CUX2: variants seen among roughly 807,000 people sequenced by gnomAD.
The protein encoded by CUX2 is cut like homeobox 2.
A neutral mutation model predicts 144.8 loss-of-function variants in CUX2; 40 were observed. The ratio of observed to expected loss-of-function variants is 0.28; its 90% CI spans 0.21 to 0.36. The LOEUF (loss-of-function observed/expected upper bound fraction) is 0.36, where lower values mean the gene tolerates loss of function less well. Among genes scored for constraint, CUX2 ranks in the 10% least tolerant of loss-of-function variants. CUX2 has a pLI of 1.00. For missense variants in CUX2, 1,615 were observed against 1,994.0 expected (o/e 0.81, Z 3.62); for synonymous variants, 827 against 875.6 (o/e 0.94, Z 0.98).
chr12:111,129,798 C>T (rs1460866634), intron 1 of CUX2, among the ~76,000 whole-genome samples: 1 of 152,170 alleles, frequency 6.6e-6, no homozygotes, highest in African/African-American at 2.4e-5. Context: ...GCACTCACTC[C>T]ACAGGTCAGG....
rs1414054735 is a variant in CUX2, at chr12:111,040,307, AT to A, written c.63+6068del. On this transcript the variant is annotated intron_variant, in intron 1 of 21. Transcript: ENST00000261726. ...GTTTAAAAAAAAAAAACGGAAAAAA[AT>A]ATACTCCTATCATGTTTAGATTAAA... 8.6e-5 allele frequency among the ~76,000 whole-genome samples: 13 copies of A among 151,736 alleles called. 1 individual carries two copies. Among genetic ancestry groups the A allele is most frequent in the Admixed American group, 7.9e-4 (12 of 15,238 alleles).
At chr12:111,206,179 T>C (rs1471321485) in intron 1 of CUX2, among the ~76,000 whole-genome samples, 1 of 152,086 alleles carries the variant, frequency 6.6e-6, no homozygotes, top group Non-Finnish European at 1.5e-5. Context: ...TTACAAAAAA[T>C]AAATTAGCTG....
intron 1 of CUX2, 64 bp from the exon 2 acceptor site, chr12:111,214,136 A>G: frequency 8.9e-7 from 1 of 1,126,676 alleles, no homozygotes. Flanking sequence ...TTAAAAAGGA[A>G]AAAAAGAAGA....
chr12:111,278,862 G>A (rs181971323), intron 4 of CUX2, among the ~76,000 whole-genome samples: 6 of 152,314 alleles, frequency 3.9e-5, no homozygotes, highest in East Asian at 1.9e-4. Context: ...CAAGCTGCCC[G>A]GCAGAGCATT....
chr12:111,081,180 C>T (rs954632813), intron 1 of CUX2, among the ~76,000 whole-genome samples: 13 of 152,224 alleles, frequency 8.5e-5, no homozygotes, highest in Middle Eastern at 6.8e-3. Context: ...TTTGTTTGCC[C>T]CCTACTGTTG....
intron 1 of CUX2, among the ~76,000 whole-genome samples, chr12:111,119,117 C>G (rs956303000): frequency 1.3e-5 from 2 of 152,206 alleles, no homozygotes; most frequent in African/African-American, 4.8e-5. Context: ...AACCTTTTCT[C>G]TAGAGGGCCA....
At chr12:111,228,746 C>T (rs1423880678) in intron 3 of CUX2, among the ~76,000 whole-genome samples, 2 of 152,014 alleles carry the variant, frequency 1.3e-5, no homozygotes, top group African/African-American at 4.8e-5. Flanking sequence ...TTTTTTATTG[C>T]ATTTGGTTGA....
rs1409027256 is a variant in CUX2, at chr12:111,059,142, C to T, written c.63+24902C>T. On this transcript the variant is annotated intron_variant, in intron 1 of 21. Transcript: ENST00000261726. The surrounding 1 kb of genome is among the most constrained non-coding windows in gnomAD (Gnocchi z 5.3). ...AGGATGCAGCCCAGCAGGTACCAGC[C>T]TCATTTTCCAGCCCTCACTCAAAAT... is the stretch of plus-strand genomic sequence containing the variant. Among the ~76,000 whole-genome samples the T allele has an allele frequency of 6.6e-6, 1 of 152,174 alleles. No homozygotes were observed. Among genetic ancestry groups the T allele is most frequent in the Non-Finnish European group, 1.5e-5 (1 of 68,038 alleles).
At chr12:111,335,371 C>T (rs950372260) in intron 19 of CUX2, among the ~76,000 whole-genome samples, 5 of 151,582 alleles carry the variant, frequency 3.3e-5, no homozygotes, top group African/African-American at 9.7e-5. Flanking sequence ...CTAGCCAAGG[C>T]GACAGAGCGA....
intron 1 of CUX2, among the ~76,000 whole-genome samples, chr12:111,120,258 C>T (rs939434831): frequency 6.6e-6 from 1 of 151,692 alleles, no homozygotes; most frequent in Non-Finnish European, 1.5e-5. Flanking sequence ...GGGTACAACA[C>T]GTAGTAGGTG....
At position 111,263,517 on chromosome 12, in the gene CUX2, C is replaced by T. The variant is rs1445929535; in HGVS notation, c.223-244C>T. Among the ~76,000 whole-genome samples, 1 of 152,128 alleles carries T rather than the reference C, an allele frequency of 6.6e-6. No individual in the cohort carries two copies. Among genetic ancestry groups the T allele is most frequent in the East Asian group, 1.9e-4 (1 of 5,194 alleles). ...GCAGGCACCTGTAATCCCAGCTACT[C>T]AGGAGGCTGAGGCAGAAGAATTACT... On this transcript the variant is annotated intron_variant, in intron 3 of 21. Transcript: ENST00000261726. The surrounding 1 kb of genome is among the most constrained non-coding windows in gnomAD (Gnocchi z 4.0).
intron 1 of CUX2, among the ~76,000 whole-genome samples, chr12:111,151,172 A>G (rs1424049593): frequency 6.6e-6 from 1 of 152,234 alleles, no homozygotes; most frequent in Non-Finnish European, 1.5e-5. Flanking sequence ...AATGCAGAAT[A>G]CTTGCAGAGC....
At chr12:111,321,763 T>C (rs1887546367) in intron 17 of CUX2, among the ~76,000 whole-genome samples, 2 of 152,138 alleles carry the variant, frequency 1.3e-5, no homozygotes, top group South Asian at 4.1e-4. Context: ...TCCTGATTGG[T>C]TGGTGCCCCT....
chr12:111,314,421 A>G (rs1228516967), intron 16 of CUX2, among the ~76,000 whole-genome samples: 2 of 152,038 alleles, frequency 1.3e-5, no homozygotes, highest in Non-Finnish European at 2.9e-5. Flanking sequence ...CGGGCAGATC[A>G]CCTGAGGTCA....
rs10525230 is a variant in CUX2 at position 111,061,178 on chromosome 12, GCACACACACACACACACA to G, written c.63+26959_63+26976del. On this transcript the variant is annotated intron_variant, in intron 1 of 21. Transcript: ENST00000261726. This position sits in a 1 kb window ranked among gnomAD's most constrained non-coding sequence, Gnocchi z 4.2. ...TGTCCCCAGATGTGTGCATGCATAT[GCACACACACACACACACA>G]CACACACACACACACACACAGCAAG... Among the ~76,000 whole-genome samples, 8 of 143,630 alleles carry G rather than the reference GCACACACACACACACACA, an allele frequency of 5.6e-5. No individual in the cohort carries two copies. Among genetic ancestry groups the G allele is most frequent in the African/African-American group, 2.0e-4 (8 of 39,228 alleles). 94.2% of individuals were successfully genotyped at this position (143,630 alleles called of 152,430 possible). A position where few individuals can be genotyped will look rare whatever the true frequency, so the allele number is the denominator to read the frequency against.
intron 18 of CUX2, among the ~76,000 whole-genome samples, chr12:111,330,708 T>C (rs867370137): frequency 0.017 from 386 of 22,356 alleles, 43 homozygotes; most frequent in African/African-American, 0.061. Flanking sequence ...TATATATATA[T>C]ATATATATAT....
At chr12:111,245,765 C>T (rs756258334) in intron 3 of CUX2, among the ~76,000 whole-genome samples, 15 of 152,092 alleles carry the variant, frequency 9.9e-5, no homozygotes, top group Non-Finnish European at 1.6e-4. Context: ...GGGTATGCCC[C>T]ACCCAAGTGC....
At position 111,225,992 on chromosome 12, in the gene CUX2, G is replaced by A. The variant is rs112070544; in HGVS notation, c.222+8055G>A. 9.7e-3 allele frequency among the ~76,000 whole-genome samples: 1,479 copies of A among 152,254 alleles called. 13 individuals carry two copies. Among genetic ancestry groups the A allele is most frequent in the African/African-American group, 0.021 (888 of 41,546 alleles). On this transcript the variant is annotated intron_variant, in intron 3 of 21. Coordinates refer to ENST00000261726, the MANE Select transcript of CUX2 (RefSeq NM_015267.4). ...CATGACCCACCCTTTTTCCGCTGCCGGAGTGCAGCAGCGCAATCTCAGCTC... is the reference window on the plus strand; with the variant it reads ...CATGACCCACCCTTTTTCCGCTGCCAGAGTGCAGCAGCGCAATCTCAGCTC...
chr12:111,151,706 G>T (rs1036296808), intron 1 of CUX2, among the ~76,000 whole-genome samples: 6 of 152,084 alleles, frequency 3.9e-5, no homozygotes, highest in Admixed American at 3.3e-4. Context: ...AGAGGGATCT[G>T]GTGTTAATTG....
Sources: allele counts gnomAD v4.1 joint callset (sites outside exome capture counted in the v4.1 genomes callset), GRCh38; gene constraint gnomAD v4.1.1; non-coding constraint Gnocchi (gnomAD v3.1); transcripts MANE v1.5; gene names NCBI Gene and HGNC (gene_info 2026-07-23, HGNC 2026-07-21).